HYCC2: variants seen among roughly 807,000 people sequenced by gnomAD.
The protein encoded by HYCC2 is hyccin 2.
chr2:201,004,669 C>T, the HYCC2 span, among the ~76,000 whole-genome samples: 1 of 152,154 alleles, frequency 6.6e-6, no homozygotes, highest in Non-Finnish European at 1.5e-5. Context: ...AGATATTGTA[C>T]CCATATGGAC....
chr2:201,054,633 T>G, the HYCC2 span, among the ~76,000 whole-genome samples: 5 of 152,096 alleles, frequency 3.3e-5, no homozygotes, highest in Admixed American at 3.3e-4. Context: ...TAAGTACAAT[T>G]TACTCCCATT....
At chr2:201,009,239 A>G in the HYCC2 span, 2 of 466,772 alleles carry the variant, frequency 4.3e-6, no homozygotes, top group Non-Finnish European at 7.8e-6. Context: ...GAATCTTTCA[A>G]CTGTCAATTA....
chr2:201,047,465 T>TATATATATATAC, the HYCC2 span, among the ~76,000 whole-genome samples: 114 of 148,878 alleles, frequency 7.7e-4, 1 homozygote, highest in African/African-American at 2.0e-3. Flanking sequence ...TATATATATA[T>TATATATATATAC]ACACACACAC....
At chr2:201,052,945 A>G in the HYCC2 span, among the ~76,000 whole-genome samples, 1 of 152,302 alleles carries the variant, frequency 6.6e-6, no homozygotes, top group Admixed American at 6.5e-5. Context: ...AGCCAGGAAA[A>G]GAAGCACCAG....
chr2:201,033,697 C>A, the HYCC2 span, among the ~76,000 whole-genome samples: 1 of 151,660 alleles, frequency 6.6e-6, no homozygotes, highest in Non-Finnish European at 1.5e-5. Context: ...AGCGACGGCA[C>A]CCAGCCCAAT....
chr2:200,983,403 G>A, the HYCC2 span, among the ~76,000 whole-genome samples: 1 of 151,912 alleles, frequency 6.6e-6, no homozygotes, highest in Non-Finnish European at 1.5e-5. Flanking sequence ...CATAGCACCT[G>A]GAAAAATAAA....
At chr2:201,023,097 C>T in the HYCC2 span, among the ~76,000 whole-genome samples, 115 of 152,120 alleles carry the variant, frequency 7.6e-4, 1 homozygote, top group African/African-American at 2.7e-3. Context: ...GTCTGGAATC[C>T]CAGCAGTTTG....
chr2:201,005,096 G>A, the HYCC2 span, among the ~76,000 whole-genome samples: 4,439 of 151,908 alleles, frequency 0.029, 109 homozygotes, highest in Middle Eastern at 0.089. Context: ...AAGCAATTGC[G>A]TGGAATGAAA....
chr2:201,031,417 C>T, the HYCC2 span, among the ~76,000 whole-genome samples: 2 of 152,082 alleles, frequency 1.3e-5, no homozygotes, highest in Non-Finnish European at 2.9e-5. Flanking sequence ...TTTGGGAGGC[C>T]GAGTCAGGTG....
the HYCC2 span, chr2:201,045,692 C>A: frequency 2.6e-6 from 1 of 391,350 alleles, no homozygotes; most frequent in African/African-American, 2.1e-5. Context: ...TATAGCTTAT[C>A]TAATTTTAAG....
chr2:201,024,887 A>G, the HYCC2 span, among the ~76,000 whole-genome samples: 1 of 152,120 alleles, frequency 6.6e-6, no homozygotes, highest in Non-Finnish European at 1.5e-5. Context: ...AGGCTGAGGC[A>G]GGACTGAGCC....
chr2:201,056,261 A>C, the HYCC2 span, among the ~76,000 whole-genome samples: 2 of 152,334 alleles, frequency 1.3e-5, no homozygotes, highest in African/African-American at 4.8e-5. Context: ...TAAATTCTAG[A>C]AATAACATAA....
chr2:200,974,091 G>A, the HYCC2 span: 1 of 151,806 alleles, frequency 6.6e-6, no homozygotes, highest in Non-Finnish European at 1.5e-5. Flanking sequence ...GTCCTAGGTT[G>A]AAAGGACATC....
the HYCC2 span, among the ~76,000 whole-genome samples, chr2:201,035,540 G>A: frequency 2.6e-5 from 4 of 152,022 alleles, no homozygotes; most frequent in African/African-American, 4.8e-5. Context: ...CTTTGCCACG[G>A]GTTCGAACTT....
At chr2:201,048,038 T>C in the HYCC2 span, among the ~76,000 whole-genome samples, 2 of 151,934 alleles carry the variant, frequency 1.3e-5, no homozygotes, top group African/African-American at 4.8e-5. Context: ...TTCTGGGGCA[T>C]AAAAAATATA....
At chr2:201,035,475 G>A in the HYCC2 span, among the ~76,000 whole-genome samples, 3 of 152,098 alleles carry the variant, frequency 2.0e-5, no homozygotes, top group African/African-American at 7.2e-5. Context: ...GGACTTCTCT[G>A]CATTGGTTAT....
the HYCC2 span, among the ~76,000 whole-genome samples, chr2:200,987,041 A>G: frequency 3.9e-5 from 6 of 152,352 alleles, no homozygotes; most frequent in East Asian, 1.2e-3. Context: ...TAATGTTAGA[A>G]TAAACATGCT....
chr2:201,022,063 A>G, the HYCC2 span: 1 of 1,289,258 alleles, frequency 7.8e-7, no homozygotes. Flanking sequence ...GATTACCTGA[A>G]CTTCTTCAAA....
chr2:201,053,104 G>GT, the HYCC2 span, among the ~76,000 whole-genome samples: 1 of 152,060 alleles, frequency 6.6e-6, no homozygotes, highest in East Asian at 1.9e-4. Context: ...CACAGATCCA[G>GT]TACTATCTAT....
Sources: allele counts gnomAD v4.1 joint callset (sites outside exome capture counted in the v4.1 genomes callset), GRCh38; gene constraint gnomAD v4.1.1; transcripts MANE v1.5; gene names NCBI Gene and HGNC (gene_info 2026-07-23, HGNC 2026-07-21).